Variants in MSLN observed in about 807,000 individuals in gnomAD.
The protein encoded by MSLN is mesothelin.
Under a neutral mutation model 72.6 loss-of-function variants are expected in MSLN, and 82 were observed. The observed-to-expected ratio is 1.13, with a 90% CI of 0.94 to 1.36. The LOEUF (loss-of-function observed/expected upper bound fraction) is 1.36. Ranked by LOEUF, MSLN falls within the 40% of genes most tolerant of loss-of-function variation. MSLN has a pLI of 0.00. For missense variants in MSLN, 1,005 were observed against 847.9 expected (o/e 1.19, Z -2.30); for synonymous variants, 456 against 387.3 (o/e 1.18, Z -2.08).
chr16:766,724 C>A lies in MSLN; in HGVS notation c.1287C>A (p.Thr429=). Residue 429 remains threonine (T), a synonymous_variant, in exon 14 of 18, where the codon ACC becomes ACA. Transcript: ENST00000545450. ...GAAGGGGCCAGCTAGACAAAGACAC[C>A]CTAGACACCCTGACCGCCTTCTACC... The part of the protein sequence containing the change: ...VKGRGQLDKD[T]LDTLTAFYPG... 1 of 1,612,672 alleles carries A rather than the reference C, an allele frequency of 6.2e-7. No individual in the cohort carries two copies. The highest frequency in any genetic ancestry group is 8.5e-7 in the Non-Finnish European group (1 of 1,179,908).
At chr16:763,995 TG>T in intron 5 of MSLN, 27 bp from the exon 6 acceptor site, 2 of 1,593,728 alleles carry the variant, frequency 1.3e-6, no homozygotes, top group Non-Finnish European at 1.7e-6. Context: ...GGGGCGATCG[TG>T]GGTGCCCAGC....
Position 766,438 on chromosome 16 carries a change from A to C in MSLN, c.1178A>C (p.Glu393Ala). ...DIRKWNVTSL[E>A]TLKALLEVNK... is the part of the protein sequence containing the mutation. ...CGCAAGTGGAATGTGACGTCCCTGG[A>C]GACCCTGAAGGCTTTGCTTGAAGTC... The change falls in exon 13 of 18, where the codon GAG becomes GCG. Residue 393 changes from glutamate to alanine, a missense_variant. Physicochemically the swap from Glu to Ala is moderately radical, Grantham distance 107. Transcript: ENST00000545450. The C allele has an allele frequency of 6.2e-7, 1 of 1,612,678 alleles. No individual in the cohort carries two copies. The highest frequency in any genetic ancestry group is 1.1e-5 in the South Asian group (1 of 91,076).
rs2041606542 is a variant in MSLN at position 766,254 on chromosome 16, G to T, written c.1074+17G>T. On this transcript the variant is annotated intron_variant, in intron 12 of 17. Transcript: ENST00000545450. ...CTGGATGAGGTAGTTCATGACTCAA[G>T]TTCCCACCGGCCTGCTGTGTCCAAG... 6.2e-7 allele frequency: 1 copy of T among 1,608,140 alleles called. No homozygotes were observed. The highest frequency in any genetic ancestry group is 1.3e-5 in the African/African-American group (1 of 74,972).
chr16:768,439 G>T lies in MSLN; in HGVS notation c.1657G>T (p.Glu553Ter). ...LGPHVEGLKA[E>*]ERHRPVRDWI... ...ACCCCACGTGGAGGGCCTGAAGGCG[G>T]AGGAGCGGCACCGCCCGGTGCGGGA... is the stretch of plus-strand genomic sequence containing the variant. The change falls in exon 17 of 18, where the codon GAG becomes TAG. Residue 553 changes from glutamate (E) to a stop codon, truncating the protein, a stop_gained. Transcript: ENST00000545450. LOFTEE classifies it high-confidence loss of function. The T allele has an allele frequency of 6.6e-7, 1 of 1,524,392 alleles. No homozygotes were observed. The highest frequency in any genetic ancestry group is 8.8e-7 in the Non-Finnish European group (1 of 1,133,430). The allele number at this position is 1,524,392 out of a possible 1,614,324, so 94.4% of individuals were successfully genotyped here. A position where few individuals can be genotyped will look rare whatever the true frequency, so the allele number is the denominator to read the frequency against.
intron 3 of MSLN, 41 bp downstream of exon 3, chr16:762,806 C>T (rs1425954608): frequency 1.3e-6 from 2 of 1,491,268 alleles, no homozygotes; most frequent in Admixed American, 2.3e-5. Context: ...GGGGACGGCC[C>T]AGGGGCCTTG....
chr16:766,502 G>A lies in MSLN; in HGVS notation c.1230+12G>A. 6.2e-7 allele frequency: 1 copy of A among 1,612,458 alleles called. No homozygotes were observed. The highest frequency in any genetic ancestry group is 1.1e-5 in the South Asian group (1 of 91,072). On this transcript the variant is annotated intron_variant, in intron 13 of 17. Transcript: ENST00000545450. ...AAATGAGTCCTCAGGTGACCGTCCG[G>A]CTCGGGGGTCATGTGGCATGAGATT...
chr16:767,319 C>G, intron 15 of MSLN, 57 bp from the exon 16 acceptor site: 2 of 1,490,456 alleles, frequency 1.3e-6, no homozygotes, highest in Non-Finnish European at 1.9e-6. Flanking sequence ...AGCCTGTGGT[C>G]AAGGGCCTGG....
chr16:762,554 G>T (rs2041548977), intron 2 of MSLN, 118 bp from the exon 3 acceptor site: 1 of 748,246 alleles, frequency 1.3e-6, no homozygotes, highest in Non-Finnish European at 2.3e-6. Context: ...ACAAGCTGCA[G>T]GTACCACAGA....
In MSLN at chr16:766,131, T is replaced by G; in HGVS notation, c.968T>G (p.Leu323Arg). 1.2e-6 allele frequency: 2 copies of G among 1,612,742 alleles called. No individual in the cohort carries two copies. The highest frequency in any genetic ancestry group is 1.7e-6 in the Non-Finnish European group (2 of 1,179,910). The change falls in exon 12 of 18, where the codon CTG (leucine) becomes CGG (arginine). Residue 323 changes from leucine (L) to arginine (R), a missense_variant. Coordinates refer to ENST00000545450, the MANE Select transcript of MSLN (RefSeq NM_005823.6). ...CTCATCTTCTACAAGAAGTGGGAGCTGGAAGCCTGCGTGGATGCGGCCCTG... is the reference window on the plus strand; with the variant it reads ...CTCATCTTCTACAAGAAGTGGGAGCGGGAAGCCTGCGTGGATGCGGCCCTG... ...ESLIFYKKWE[L>R]EACVDAALLA... is the part of the protein sequence containing the mutation.
Position 765,302 on chromosome 16 carries a change from G to T in MSLN, c.703G>T (p.Gly235Cys). ...AALQGGGPPY[G>C]PPSTWSVSTM... is the part of the protein sequence containing the mutation. ...TCTGCAGGGCGGGGGACCCCCCTAC[G>T]GGTAAGTGAAGGTGTCTGGAACCTC... Residue 235 changes from glycine to cysteine, a missense_variant and splice_region_variant, in exon 9 of 18, where the codon GGC (glycine) becomes TGC (cysteine). Transcript: ENST00000545450. 1 of 1,568,020 alleles carries T rather than the reference G, an allele frequency of 6.4e-7. No individual in the cohort carries two copies. Among genetic ancestry groups the T allele is most frequent in the East Asian group, 2.3e-5 (1 of 43,794 alleles).
chr16:766,279 G>A (rs746411209), intron 12 of MSLN, 42 bp downstream of exon 12: 6 of 1,609,884 alleles, frequency 3.7e-6, no homozygotes, highest in Non-Finnish European at 5.1e-6. Flanking sequence ...CTGTGTCCAA[G>A]CCATCCCCAG....
Position 766,653 on chromosome 16 carries a change from C to T in MSLN, c.1231-15C>T, listed in dbSNP as rs776600377. On this transcript the variant is annotated splice_polypyrimidine_tract_variant and intron_variant, in intron 13 of 17. Coordinates refer to ENST00000545450, the MANE Select transcript of MSLN (RefSeq NM_005823.6). ...CTCTCCTTGCCACAAGGCTCCTCGG[C>T]GGCCCCTCCCACAGGTGGCCACCCT... 7.5e-5 allele frequency: 121 copies of T among 1,612,030 alleles called. No homozygotes were observed. The highest frequency in any genetic ancestry group is 2.0e-4 in the East Asian group (9 of 44,876).
In MSLN at chr16:768,380, C is replaced by T. The variant is rs138450065; in HGVS notation, c.1598C>T (p.Pro533Leu). 5.8e-5 allele frequency: 88 copies of T among 1,505,528 alleles called. No homozygotes were observed. In the African/African-American group the frequency reaches 7.7e-4, roughly 13 times the overall value. 93.3% of individuals were successfully genotyped at this position (1,505,528 alleles called of 1,614,324 possible). The change falls in exon 17 of 18, where the codon CCG (proline) becomes CTG (leucine). Residue 533 changes from proline (P) to leucine (L), a missense_variant and splice_region_variant. By Grantham distance (98) the Pro-to-Leu change is moderately conservative. Coordinates refer to ENST00000545450, the MANE Select transcript of MSLN (RefSeq NM_005823.6). ...FMKLRTDAVLPLTVAEVQKLL... is the reference protein window; with the variant it reads ...FMKLRTDAVLLLTVAEVQKLL... ...ATGGCTGCCCGGGGTCTCTGGCAGC[C>T]GTTGACTGTGGCTGAGGTGCAGAAA...
At chr16:765,350 T>G in intron 9 of MSLN, 47 bp downstream of exon 9, 1 of 1,495,824 alleles carries the variant, frequency 6.7e-7, no homozygotes, top group Middle Eastern at 1.8e-4. Flanking sequence ...GGCGGCGTGG[T>G]ATCAGCAGCG....
chr16:767,074 G>C (rs1416943383), intron 15 of MSLN, 62 bp downstream of exon 15: 8 of 1,605,778 alleles, frequency 5.0e-6, no homozygotes, highest in East Asian at 2.2e-5. Context: ...GACTCCACTC[G>C]GGGGTGCCAG....
At chr16:767,150 G>A in intron 15 of MSLN, 138 bp downstream of exon 15, 14 of 1,406,502 alleles carry the variant, frequency 1.0e-5, no homozygotes, top group Non-Finnish European at 1.4e-5. Flanking sequence ...CTGCCCCCCG[G>A]GGTGTGTATG....
At position 763,197 on chromosome 16, in the gene MSLN, G is replaced by T. The variant is rs370395542; in HGVS notation, c.86-36G>T. On this transcript the variant is annotated intron_variant, in intron 3 of 17. Transcript: ENST00000545450. ...GGGTCAGGGCACAGCCCAGAGGCCC[G>T]CCCCCTCCCCCAAGCTGTCCCCTCT... 167 of 1,435,818 alleles carry T rather than the reference G, an allele frequency of 1.2e-4. 1 individual carries two copies. In the Middle Eastern group the frequency reaches 1.7e-3, roughly 14 times the overall value. The allele number at this position is 1,435,818 out of a possible 1,614,324, so 88.9% of individuals were successfully genotyped here. A position where few individuals can be genotyped will look rare whatever the true frequency, so the allele number is the denominator to read the frequency against.
chr16:764,045 G>A lies in MSLN; in HGVS notation c.202G>A (p.Gly68Ser). The change falls in exon 6 of 18, where the codon GGC becomes AGC. Residue 68 changes from glycine (G) to serine (S), a missense_variant. Transcript: ENST00000545450. Reference protein sequence around the residue: ...ISSLSPRQLLGFPCAEVSGLS... With the variant: ...ISSLSPRQLLSFPCAEVSGLS... ...CAGCCTCTCCCCTCGCCAACTCCTT[G>A]GCTTCCCGTGTGCGGAGGTGTCCGG... The A allele has an allele frequency of 6.2e-7, 1 of 1,603,744 alleles. No individual in the cohort carries two copies. The highest frequency in any genetic ancestry group is 1.1e-5 in the South Asian group (1 of 90,996).
In MSLN at chr16:765,167, T is replaced by G; in HGVS notation, c.568T>G (p.Cys190Gly). ...ADVRALGGLACDLPGRFVAES... is the reference protein window; with the variant it reads ...ADVRALGGLAGDLPGRFVAES... ...TGTGCGGGCTCTGGGAGGCCTGGCT[T>G]GCGACCTGCCTGGGCGCTTTGTGGC... The change falls in exon 9 of 18, where the codon TGC (cysteine) becomes GGC (glycine). Residue 190 changes from cysteine to glycine, a missense_variant. Cys to Gly is a radical substitution (Grantham distance 159). Coordinates refer to ENST00000545450, the MANE Select transcript of MSLN (RefSeq NM_005823.6). 1 of 1,601,954 alleles carries G rather than the reference T, an allele frequency of 6.2e-7. No homozygotes were observed. The highest frequency in any genetic ancestry group is 8.5e-7 in the Non-Finnish European group (1 of 1,178,674).
Sources: allele counts gnomAD v4.1 joint callset, GRCh38; gene constraint gnomAD v4.1.1; transcripts MANE v1.5; gene names NCBI Gene and HGNC (gene_info 2026-07-23, HGNC 2026-07-21).